The following RNF17 variants were observed in gnomAD, a reference collection of about 807,000 sequenced individuals.
The protein encoded by RNF17 is ring finger protein 17, also known as spermatogenesis associated 23.
RNF17 carries 31 observed loss-of-function variants against 200.5 expected under a neutral mutation model. The ratio of observed to expected loss-of-function variants is 0.15; its 90% CI spans 0.12 to 0.21. The LOEUF (loss-of-function observed/expected upper bound fraction) is 0.21. Among genes scored for constraint, RNF17 ranks in the 10% least tolerant of loss-of-function variants. RNF17 has a pLI of 1.00. For synonymous variants in RNF17, 606 were observed against 637.8 expected (o/e 0.95, Z 0.75); for missense variants, 1,628 against 1,905.1 (o/e 0.85, Z 2.71).
chr13:24,815,428 G>GGGGTGTGT (rs1296161698), intron 15 of RNF17, among the ~76,000 whole-genome samples: 96 of 144,196 alleles, frequency 6.7e-4, no homozygotes, highest in Middle Eastern at 3.5e-3. Context: ...GCCCTAACGG[G>GGGGTGTGT]GTGTGTGTGT....
At chr13:24,771,039 T>G (rs1880591431) in intron 2 of RNF17, among the ~76,000 whole-genome samples, 1 of 152,216 alleles carries the variant, frequency 6.6e-6, no homozygotes, top group Admixed American at 6.5e-5. Flanking sequence ...GTTGAGCAAC[T>G]TTTCATATGT....
chr13:24,793,082 A>C lies in RNF17; in HGVS notation c.976A>C (p.Lys326Gln). 1 of 1,592,018 alleles carries C rather than the reference A, an allele frequency of 6.3e-7. No individual in the cohort carries two copies. The highest frequency in any genetic ancestry group is 8.5e-7 in the Non-Finnish European group (1 of 1,171,080). The change falls in exon 10 of 36, where the codon AAG becomes CAG. Residue 326 changes from lysine (K) to glutamine (Q), a missense_variant. Physicochemically the swap from Lys to Gln is moderately conservative, Grantham distance 53. Coordinates refer to ENST00000255324, the MANE Select transcript of RNF17 (RefSeq NM_031277.3). Reference protein sequence around the residue: ...QENEIRQNVQKKYNNKKELSC... With the variant: ...QENEIRQNVQQKYNNKKELSC... ...AAATGAAATTAGACAGAATGTTCAA[A>C]AGAAATATAATAACAAAAAGGAACT...
At chr13:24,833,317 ACT>A (rs1889629871) in intron 18 of RNF17, among the ~76,000 whole-genome samples, 1 of 152,228 alleles carries the variant, frequency 6.6e-6, no homozygotes, top group African/African-American at 2.4e-5. Flanking sequence ...TAATTTATTT[ACT>A]TCAGAACAAG....
intron 30 of RNF17, among the ~76,000 whole-genome samples, chr13:24,867,746 A>G (rs979588663): frequency 6.6e-6 from 1 of 152,234 alleles, no homozygotes; most frequent in African/African-American, 2.4e-5. Context: ...GCTTTTAACA[A>G]TTGCTGGGTG....
chr13:24,811,444 G>A (rs1329322869), intron 15 of RNF17, among the ~76,000 whole-genome samples: 1 of 152,158 alleles, frequency 6.6e-6, no homozygotes, highest in East Asian at 1.9e-4. Flanking sequence ...CGGCTGCTGA[G>A]GCTTCTGTAT....
chr13:24,885,573 A>T, the RNF17 span: 1 of 1,314,760 alleles, frequency 7.6e-7, no homozygotes, highest in Non-Finnish European at 1.1e-6. Flanking sequence ...TAAGTAATGT[A>T]TGTTTGAAGA....
chr13:24,829,775 T>C (rs1049162593), intron 16 of RNF17, among the ~76,000 whole-genome samples: 2 of 152,228 alleles, frequency 1.3e-5, no homozygotes, highest in Admixed American at 6.5e-5. Context: ...AACTTCTCTG[T>C]GTTTGAAACT....
downstream of RNF17, among the ~76,000 whole-genome samples, chr13:24,881,954 AGATAC>A (rs1811168029): frequency 2.9e-5 from 1 of 34,136 alleles, no homozygotes; most frequent in African/African-American, 8.4e-5. Flanking sequence ...ATAGATATAT[AGATAC>A]ATCTAGATAT....
At chr13:24,751,485 G>A in the RNF17 span, 2 of 151,664 alleles carry the variant, frequency 1.3e-5, no homozygotes, top group Non-Finnish European at 2.9e-5. Flanking sequence ...CTTCCATTTC[G>A]GTGGTAGGCT....
intron 32 of RNF17, among the ~76,000 whole-genome samples, chr13:24,872,168 C>T (rs1894356298): frequency 6.6e-6 from 1 of 150,718 alleles, no homozygotes; most frequent in South Asian, 2.1e-4. Flanking sequence ...CCATGTTGGT[C>T]GGGCTGGTCT....
chr13:24,787,609 A>G (rs1172331583), intron 6 of RNF17, among the ~76,000 whole-genome samples: 1 of 152,134 alleles, frequency 6.6e-6, no homozygotes, highest in African/African-American at 2.4e-5. Context: ...TCCCCTGTAT[A>G]TATAACTGCT....
intron 18 of RNF17, among the ~76,000 whole-genome samples, chr13:24,832,721 A>G (rs914057002): frequency 6.6e-6 from 1 of 151,922 alleles, no homozygotes; most frequent in Non-Finnish European, 1.5e-5. Context: ...AGGGTTTTAG[A>G]TAGGGGGATT....
intron 16 of RNF17, among the ~76,000 whole-genome samples, chr13:24,830,041 A>T (rs929561475): frequency 6.6e-6 from 1 of 152,218 alleles, no homozygotes; most frequent in African/African-American, 2.4e-5. Flanking sequence ...AAGTTAGATT[A>T]TATTGGTATA....
In RNF17 at chr13:24,781,831, T is replaced by G. The variant is rs1882415196; in HGVS notation, c.511-13T>G. The G allele has an allele frequency of 6.4e-7, 1 of 1,552,042 alleles. No homozygotes were observed. Among genetic ancestry groups the G allele is most frequent in the Non-Finnish European group, 8.7e-7 (1 of 1,151,496 alleles). ...CCCAAATTAAGTTTTTGTCTTGTTT[T>G]TTTTTTTTCCAGGCACTTGAACACA... On this transcript the variant is annotated splice_polypyrimidine_tract_variant and intron_variant, in intron 5 of 35. Transcript: ENST00000255324.
Position 24,850,332 on chromosome 13 carries a change from C to A in RNF17, c.3102-9C>A. ...TTATAAAACAAGTTGCCACTGTTTT[C>A]TGTTGTAGACCAGCTGGTGGGAGTG... is the stretch of plus-strand genomic sequence containing the variant. On this transcript the variant is annotated splice_polypyrimidine_tract_variant and intron_variant, in intron 22 of 35. Coordinates refer to ENST00000255324, the MANE Select transcript of RNF17 (RefSeq NM_031277.3). The A allele has an allele frequency of 6.3e-7, 1 of 1,595,894 alleles. No individual in the cohort carries two copies. Among genetic ancestry groups the A allele is most frequent in the Non-Finnish European group, 8.6e-7 (1 of 1,164,890 alleles).
chr13:24,857,744 CA>C (rs1367798661), intron 25 of RNF17, among the ~76,000 whole-genome samples: 1 of 152,080 alleles, frequency 6.6e-6, no homozygotes, highest in Admixed American at 6.6e-5. Flanking sequence ...ACAAAACATG[CA>C]AAGATTAGTT....
chr13:24,824,597 AATAG>A (rs1368775417), intron 15 of RNF17, among the ~76,000 whole-genome samples: 63 of 152,330 alleles, frequency 4.1e-4, no homozygotes, highest in African/African-American at 1.4e-3. Flanking sequence ...TTTTGATTAT[AATAG>A]ATAGCACCAT....
chr13:24,796,723 C>T (rs770115820), intron 11 of RNF17, among the ~76,000 whole-genome samples: 1 of 152,174 alleles, frequency 6.6e-6, no homozygotes, highest in African/African-American at 2.4e-5. Context: ...CAGCGCCCTA[C>T]AGAGGATAAT....
intron 20 of RNF17, 61 bp from the exon 21 acceptor site, chr13:24,844,591 A>G: frequency 7.5e-7 from 1 of 1,327,826 alleles, no homozygotes; most frequent in Non-Finnish European, 1.0e-6. Flanking sequence ...TGTAGGAAAC[A>G]TGTAGCCAGA....
Sources: allele counts gnomAD v4.1 joint callset (sites outside exome capture counted in the v4.1 genomes callset), GRCh38; gene constraint gnomAD v4.1.1; transcripts MANE v1.5; gene names NCBI Gene and HGNC (gene_info 2026-07-23, HGNC 2026-07-21).